NCKAP5: variants seen among roughly 807,000 people sequenced by gnomAD.
NCKAP5 encodes NCK associated protein 5, also known as nck-associated protein 5.
In NCKAP5, 92 loss-of-function variants were observed where a neutral mutation model predicts 167.0. That is an observed-to-expected ratio of 0.55 (90% confidence interval 0.47 to 0.66). The LOEUF (loss-of-function observed/expected upper bound fraction) is 0.66. Ranked by LOEUF, NCKAP5 falls within the 30% of genes least tolerant of loss-of-function variation. The pLI, the probability that NCKAP5 is intolerant of heterozygous loss-of-function variation, is 0.00. For missense variants in NCKAP5, 2,378 were observed against 2,315.0 expected, an observed-to-expected ratio of 1.03 and a Z score of -0.56; for synonymous variants, 891 against 877.4, an observed-to-expected ratio of 1.02 and a Z score of -0.27.
chr2:133,048,044 TC>T (rs2149476600), intron 6 of NCKAP5, among the ~76,000 whole-genome samples: 1 of 152,326 alleles, frequency 6.6e-6, no homozygotes, highest in African/African-American at 2.4e-5. Flanking sequence ...GGTTCATGTC[TC>T]CTTTTAGTAT....
chr2:132,693,868 CAT>C (rs1427995420), intron 19 of NCKAP5, among the ~76,000 whole-genome samples: 1 of 151,938 alleles, frequency 6.6e-6, no homozygotes, highest in Non-Finnish European at 1.5e-5. Context: ...TTGTGATCCA[CAT>C]GTCTCTACCT....
chr2:133,550,728 G>A (rs529632408), intron 2 of NCKAP5, among the ~76,000 whole-genome samples: 4 of 130,320 alleles, frequency 3.1e-5, no homozygotes, highest in African/African-American at 5.9e-5. Flanking sequence ...ATTCAACATA[G>A]TGTTGGAAGT....
chr2:133,338,120 A>AT (rs377397492), intron 3 of NCKAP5, among the ~76,000 whole-genome samples: 8,281 of 149,782 alleles, frequency 0.055, 257 homozygotes, highest in South Asian at 0.11. Context: ...GGTCTATTGC[A>AT]TTTTTTTTTT....
intron 16 of NCKAP5, among the ~76,000 whole-genome samples, chr2:132,748,217 ACT>A (rs1260001066): frequency 6.6e-6 from 1 of 151,396 alleles, no homozygotes; most frequent in Non-Finnish European, 1.5e-5. Flanking sequence ...AGAGAAGTTG[ACT>A]CTCTGTGTGC....
At chr2:132,896,544 A>T (rs1244787873) in intron 8 of NCKAP5, among the ~76,000 whole-genome samples, 3 of 152,178 alleles carry the variant, frequency 2.0e-5, no homozygotes, top group Admixed American at 6.5e-5. Flanking sequence ...CGAGGGCTGG[A>T]TAAAGGAAGA....
At chr2:133,318,351 T>C (rs1249237378) in intron 3 of NCKAP5, among the ~76,000 whole-genome samples, 2 of 152,230 alleles carry the variant, frequency 1.3e-5, no homozygotes, top group African/African-American at 2.4e-5. Context: ...TGGCTTCTTC[T>C]GCTCTCAACT....
intron 6 of NCKAP5, among the ~76,000 whole-genome samples, chr2:133,126,574 C>G (rs112138354): frequency 0.011 from 1,650 of 152,250 alleles, 35 homozygotes; most frequent in African/African-American, 0.038. Flanking sequence ...AAGCAGCAGC[C>G]CTTGCAAGAA....
In NCKAP5 at chr2:132,783,783, G is replaced by A; in HGVS notation, c.3028C>T (p.Pro1010Ser). 1.9e-6 allele frequency: 3 copies of A among 1,562,614 alleles called. No individual in the cohort carries two copies. In the East Asian group the frequency reaches 6.7e-5, roughly 35 times the overall value. ...GTTTGAATGACTGCTTCTGGGGAGGGCATAGGGTGAGTGAAGATAGGCTTT... is the reference window on the plus strand; with the variant it reads ...GTTTGAATGACTGCTTCTGGGGAGGACATAGGGTGAGTGAAGATAGGCTTT... Reference protein sequence around the residue: ...FKKPIFTHPMPSPEAVIQTRC... With the variant: ...FKKPIFTHPMSSPEAVIQTRC... Residue 1010 changes from proline to serine, a missense_variant, in exon 14 of 20, where the codon CCC becomes TCC. This residue lies in a region of NCKAP5 where 1,325 missense variants were observed against 1,274.5 expected (regional missense o/e 1.04). Coordinates refer to ENST00000409261, the MANE Select transcript of NCKAP5 (RefSeq NM_207363.3).
intron 3 of NCKAP5, among the ~76,000 whole-genome samples, chr2:133,504,600 T>C (rs887120344): frequency 1.3e-5 from 2 of 152,066 alleles, no homozygotes; most frequent in African/African-American, 4.8e-5. Flanking sequence ...AGGTGGCCAA[T>C]AAATGTTACC....
At chr2:133,440,605 G>A (rs1359326181) in intron 3 of NCKAP5, among the ~76,000 whole-genome samples, 1 of 149,840 alleles carries the variant, frequency 6.7e-6, no homozygotes, top group Non-Finnish European at 1.5e-5. Context: ...AGCTACTCTG[G>A]AGGCTGAGGC....
chr2:133,304,934 C>T (rs1176049731), intron 3 of NCKAP5, among the ~76,000 whole-genome samples: 1 of 152,104 alleles, frequency 6.6e-6, no homozygotes, highest in Non-Finnish European at 1.5e-5. Flanking sequence ...CGTGAAGACT[C>T]CAGAAGAAGA....
chr2:133,517,683 A>AG, intron 2 of NCKAP5, 96 bp from the exon 3 acceptor site: 1 of 423,534 alleles, frequency 2.4e-6, no homozygotes, highest in Non-Finnish European at 4.2e-6. Flanking sequence ...GAAGTCAAAA[A>AG]ATACCCAGTC....
the NCKAP5 span, among the ~76,000 whole-genome samples, chr2:133,607,105 C>T: frequency 1.3e-5 from 2 of 152,190 alleles, no homozygotes; most frequent in Non-Finnish European, 2.9e-5. Context: ...TTTCTAATGG[C>T]TCTTACAATT....
chr2:132,985,190 G>A (rs147834615), intron 7 of NCKAP5, among the ~76,000 whole-genome samples: 88 of 152,016 alleles, frequency 5.8e-4, no homozygotes, highest in East Asian at 5.4e-3. Context: ...TTAAGAACTC[G>A]GTTCAGGGTC....
At chr2:133,243,828 T>C (rs1473483898) in intron 4 of NCKAP5, among the ~76,000 whole-genome samples, 1 of 152,242 alleles carries the variant, frequency 6.6e-6, no homozygotes, top group Admixed American at 6.5e-5. Flanking sequence ...TCCCTATATC[T>C]CTTCTTCTGA....
chr2:133,522,826 C>G (rs1026717545), intron 2 of NCKAP5, among the ~76,000 whole-genome samples: 2 of 152,196 alleles, frequency 1.3e-5, no homozygotes, highest in Non-Finnish European at 2.9e-5. Context: ...CTACAAAGAG[C>G]CATAACCGAG....
intron 3 of NCKAP5, among the ~76,000 whole-genome samples, chr2:133,357,570 G>A (rs564677229): frequency 1.4e-4 from 21 of 152,198 alleles, no homozygotes; most frequent in African/African-American, 4.6e-4. Flanking sequence ...AGATCTTCAT[G>A]GATAGAAAAG....
chr2:133,158,192 T>C (rs2083647917), intron 5 of NCKAP5, among the ~76,000 whole-genome samples: 1 of 152,202 alleles, frequency 6.6e-6, no homozygotes, highest in African/African-American at 2.4e-5. Flanking sequence ...CTGGAATCTA[T>C]TTGAGGCAAG....
chr2:133,009,849 C>T (rs924647353), intron 6 of NCKAP5, among the ~76,000 whole-genome samples: 9 of 151,812 alleles, frequency 5.9e-5, no homozygotes, highest in South Asian at 2.1e-4. Context: ...GTGGGTGGAT[C>T]GTGAGGTCAG....
Sources: gnomAD v4.1 joint callset for allele counts (sites outside exome capture counted in the v4.1 genomes callset) on GRCh38, gnomAD v4.1.1 for gene constraint, gnomAD v4.1.1 regional missense constraint, MANE v1.5 for transcripts, NCBI Gene and HGNC (gene_info 2026-07-23, HGNC 2026-07-21) for gene names.